Variants in RAB28 observed in about 807,000 individuals in gnomAD.
The protein encoded by RAB28 is RAB28, member RAS oncogene family, also known as ras-related protein Rab-28.
RAB28 carries 24 observed loss-of-function variants against 31.7 expected under a neutral mutation model. The observed-to-expected ratio is 0.76, with a 90% confidence interval of 0.55 to 1.06. The LOEUF (loss-of-function observed/expected upper bound fraction) is 1.06, where lower values mean the gene tolerates loss of function less well. Ranked by LOEUF, RAB28 falls within the 50% of genes least tolerant of loss-of-function variation. RAB28 has a pLI of 0.00. For synonymous variants in RAB28, 100 were observed against 90.4 expected, an observed-to-expected ratio of 1.11 and a Z score of -0.60; for missense variants, 254 against 258.5, an observed-to-expected ratio of 0.98 and a Z score of 0.12.
intron 5 of RAB28, among the ~76,000 whole-genome samples, chr4:13,377,819 T>C (rs1221651651): frequency 1.3e-5 from 2 of 152,202 alleles, no homozygotes; most frequent in Non-Finnish European, 2.9e-5. Context: ...CATCAGGTTC[T>C]GGATATATTT....
chr4:13,470,108 A>G (rs1468133053), intron 3 of RAB28, among the ~76,000 whole-genome samples: 1 of 152,116 alleles, frequency 6.6e-6, no homozygotes. Flanking sequence ...TACACACACT[A>G]TTTAACCTTC....
At chr4:13,467,353 TG>T (rs1189563801) in intron 3 of RAB28, among the ~76,000 whole-genome samples, 1 of 151,152 alleles carries the variant, frequency 6.6e-6, no homozygotes, top group African/African-American at 2.4e-5. Context: ...TCATACAGGA[TG>T]AAAAAAAAGT....
chr4:13,434,213 C>A (rs1713970070), intron 4 of RAB28, among the ~76,000 whole-genome samples: 1 of 152,098 alleles, frequency 6.6e-6, no homozygotes, highest in Non-Finnish European at 1.5e-5. Context: ...TACTAGGTAC[C>A]ACAATCAGTA....
At chr4:13,403,527 C>G (rs1412487982) in intron 4 of RAB28, among the ~76,000 whole-genome samples, 2 of 152,192 alleles carry the variant, frequency 1.3e-5, no homozygotes, top group Non-Finnish European at 2.9e-5. Context: ...TTGCTAACTT[C>G]AGCAGTTTTA....
At chr4:13,448,031 A>G (rs983200897) in intron 4 of RAB28, among the ~76,000 whole-genome samples, 1 of 152,120 alleles carries the variant, frequency 6.6e-6, no homozygotes, top group Non-Finnish European at 1.5e-5. Flanking sequence ...GAGGATGACC[A>G]TAAGTGGTTA....
chr4:13,424,429 C>A (rs1713356248), intron 4 of RAB28, among the ~76,000 whole-genome samples: 1 of 152,190 alleles, frequency 6.6e-6, no homozygotes, highest in Admixed American at 6.5e-5. Flanking sequence ...GTCTGGGTCT[C>A]AGCCAAAATG....
At chr4:13,447,488 A>G (rs1039222592) in intron 4 of RAB28, among the ~76,000 whole-genome samples, 13 of 152,138 alleles carry the variant, frequency 8.5e-5, no homozygotes, top group Non-Finnish European at 1.9e-4. Context: ...GAGAGAGAGA[A>G]AGACCATACC....
At position 13,481,785 on chromosome 4, in the gene RAB28, C is replaced by G. The variant is rs578236601; in HGVS notation, c.76-2259G>C. Among the ~76,000 whole-genome samples, 18 of 152,090 alleles carry G rather than the reference C, an allele frequency of 1.2e-4. No homozygotes were observed. The South Asian group carries it at 3.5e-3, about 30-fold the overall frequency. ...CATCTCAATACTCTATTGCATCTGT[C>G]AGTGTGTTGAAAAATGCTCAGAGTT... On this transcript the variant is annotated intron_variant, in intron 1 of 6. Coordinates refer to ENST00000330852, the MANE Select transcript of RAB28 (RefSeq NM_001017979.3).
At chr4:13,470,412 C>G (rs971658815) in intron 3 of RAB28, among the ~76,000 whole-genome samples, 1 of 152,060 alleles carries the variant, frequency 6.6e-6, no homozygotes, top group African/African-American at 2.4e-5. Context: ...TTGAGATGCA[C>G]TCTCTCCATA....
At chr4:13,384,881 G>GA (rs1383691738) in intron 4 of RAB28, among the ~76,000 whole-genome samples, 1 of 152,140 alleles carries the variant, frequency 6.6e-6, no homozygotes, top group African/African-American at 2.4e-5. Context: ...TGAAATGACA[G>GA]AAAAAGAATT....
At chr4:13,444,980 C>T (rs1007128477) in intron 4 of RAB28, among the ~76,000 whole-genome samples, 1 of 152,168 alleles carries the variant, frequency 6.6e-6, no homozygotes, top group African/African-American at 2.4e-5. Context: ...TTTTTCCCAA[C>T]TTGGTTCCAT....
At position 13,380,777 on chromosome 4, in the gene RAB28, G is replaced by A. The variant is rs957103832; in HGVS notation, c.495+714C>T. On this transcript the variant is annotated intron_variant, in intron 5 of 6. Transcript: ENST00000330852. Reference sequence around the variant, plus strand: ...AATAATCAAAACACCAAAAGCTTACGGACAAAATTTTACATTAGAACATTA... The same window carrying A: ...AATAATCAAAACACCAAAAGCTTACAGACAAAATTTTACATTAGAACATTA... Among the ~76,000 whole-genome samples, 14 of 151,656 alleles carry A rather than the reference G, an allele frequency of 9.2e-5. No homozygotes were observed. In the East Asian group the frequency reaches 2.1e-3, roughly 23 times the overall value.
chr4:13,425,533 A>T (rs1713430830), intron 4 of RAB28, among the ~76,000 whole-genome samples: 1 of 152,174 alleles, frequency 6.6e-6, no homozygotes, highest in African/African-American at 2.4e-5. Flanking sequence ...CCTACATTAA[A>T]GTTGTGGCTG....
At chr4:13,483,884 G>T (rs1240095338) in intron 1 of RAB28, among the ~76,000 whole-genome samples, 192 bp downstream of exon 1, 1 of 152,194 alleles carries the variant, frequency 6.6e-6, no homozygotes, top group African/African-American at 2.4e-5. Context: ...TTTTAAGGGG[G>T]AGCTGGACAG....
intron 2 of RAB28, among the ~76,000 whole-genome samples, chr4:13,476,745 A>G (rs2108974616): frequency 6.6e-6 from 1 of 151,744 alleles, no homozygotes; most frequent in East Asian, 1.9e-4. Flanking sequence ...TTTTGTTTAA[A>G]TCAAGAATAT....
At chr4:13,390,208 G>C (rs1216640690) in intron 4 of RAB28, among the ~76,000 whole-genome samples, 3 of 152,140 alleles carry the variant, frequency 2.0e-5, no homozygotes, top group Non-Finnish European at 4.4e-5. Flanking sequence ...CTTCAGCAAA[G>C]TCTCAGGATA....
At chr4:13,409,857 C>T (rs1227233963) in intron 4 of RAB28, among the ~76,000 whole-genome samples, 1 of 152,168 alleles carries the variant, frequency 6.6e-6, no homozygotes, top group Non-Finnish European at 1.5e-5. Context: ...AGGTCCCTGC[C>T]TGCTATAATT....
intron 4 of RAB28, among the ~76,000 whole-genome samples, chr4:13,458,700 G>GT (rs1715437066): frequency 6.6e-6 from 1 of 152,084 alleles, no homozygotes; most frequent in Admixed American, 6.5e-5. Flanking sequence ...CTTTTATACC[G>GT]TATTTTTACT....
intron 3 of RAB28, among the ~76,000 whole-genome samples, chr4:13,467,863 C>CT (rs1391753557): frequency 6.6e-6 from 1 of 151,862 alleles, no homozygotes; most frequent in Non-Finnish European, 1.5e-5. Context: ...CAAGACTTGA[C>CT]TGTATATTGC....
Sources: gnomAD v4.1 joint callset for allele counts (sites outside exome capture counted in the v4.1 genomes callset) on GRCh38, gnomAD v4.1.1 for gene constraint, MANE v1.5 for transcripts, NCBI Gene and HGNC (gene_info 2026-07-23, HGNC 2026-07-21) for gene names.